Variants in PLBD2 observed in about 807,000 individuals in gnomAD.
The protein encoded by PLBD2 is putative aminopeptidase PLBD2.
In PLBD2, 51 loss-of-function variants were observed where a neutral mutation model predicts 68.3. The observed-to-expected ratio is 0.75, with a 90% CI of 0.60 to 0.94. The LOEUF is 0.94. Ranked by LOEUF, PLBD2 falls within the 40% of genes least tolerant of loss-of-function variation. PLBD2 has a pLI of 0.00. For missense variants in PLBD2, 729 were observed against 792.2 expected, an observed-to-expected ratio of 0.92 and a Z score of 0.96; for synonymous variants, 314 against 339.3, an observed-to-expected ratio of 0.93 and a Z score of 0.82.
Position 113,358,858 on chromosome 12 carries a change from G to T in PLBD2, c.258G>T (p.Trp86Cys). The change falls in exon 1 of 12, where the codon TGG becomes TGT. Residue 86 changes from tryptophan (W) to cysteine (C), a missense_variant. Coordinates refer to ENST00000280800, the MANE Select transcript of PLBD2 (RefSeq NM_173542.4). ...VDGRHPDAVA[W>C]ANLTNAIRET... is the part of the protein sequence containing the mutation. The stretch of plus-strand genomic sequence containing the variant: ...GACGCCACCCTGACGCCGTGGCCTG[G>T]GCCAACCTCACCAACGCCATCCGCG... 6.6e-7 allele frequency: 1 copy of T among 1,525,288 alleles called. No individual in the cohort carries two copies. The highest frequency in any genetic ancestry group is 8.8e-7 in the Non-Finnish European group (1 of 1,138,564). The allele number at this position is 1,525,288 out of a possible 1,614,324, so 94.5% of individuals were successfully genotyped here. A position where few individuals can be genotyped will look rare whatever the true frequency, so the allele number is the denominator to read the frequency against.
At chr12:113,383,692 C>T (rs1478708165) in intron 6 of PLBD2, among the ~76,000 whole-genome samples, 2 of 151,712 alleles carry the variant, frequency 1.3e-5, no homozygotes, top group Non-Finnish European at 2.9e-5. Context: ...ACCTTGGCCT[C>T]CCAAAGTGTG....
intron 5 of PLBD2, among the ~76,000 whole-genome samples, chr12:113,379,418 CTGTT>C (rs1957464842): frequency 6.6e-6 from 1 of 151,592 alleles, no homozygotes; most frequent in Admixed American, 6.6e-5. Flanking sequence ...AGCCATTTAA[CTGTT>C]TGGCCTCTGC....
At chr12:113,369,667 AAAC>A (rs1957371762) in intron 2 of PLBD2, among the ~76,000 whole-genome samples, 1 of 152,160 alleles carries the variant, frequency 6.6e-6, no homozygotes, top group Admixed American at 6.6e-5. Flanking sequence ...TAAACGAAAA[AAAC>A]CAGTCACAAA....
At chr12:113,371,598 C>T (rs907591763) in intron 2 of PLBD2, among the ~76,000 whole-genome samples, 3 of 152,360 alleles carry the variant, frequency 2.0e-5, no homozygotes, top group African/African-American at 4.8e-5. Flanking sequence ...AAGGGGCTCA[C>T]GGCCTGCTGG....
At chr12:113,383,990 C>G in intron 6 of PLBD2, 115 bp from the exon 7 acceptor site, 1 of 863,460 alleles carries the variant, frequency 1.2e-6, no homozygotes, top group South Asian at 2.8e-5. Context: ...GAGTGAGACT[C>G]TATCTCAAAA....
In PLBD2 at chr12:113,374,835, C is replaced by A. The variant is rs1957424465; in HGVS notation, c.687C>A (p.Ala229=). The A allele has an allele frequency of 3.7e-6, 6 of 1,613,672 alleles. No individual in the cohort carries two copies. The highest frequency in any genetic ancestry group is 3.4e-6 in the Non-Finnish European group (4 of 1,180,022). The change falls in exon 5 of 12, where the codon GCC becomes GCA. Residue 229 remains alanine, a synonymous_variant. Coordinates refer to ENST00000280800, the MANE Select transcript of PLBD2 (RefSeq NM_173542.4). ...GGGACCTGGAAGACCTGGAGCTGGCCCTGAACAAGACCAAGATCAAACCTT... is the reference window on the plus strand; with the variant it reads ...GGGACCTGGAAGACCTGGAGCTGGCACTGAACAAGACCAAGATCAAACCTT... ...LSGDLEDLEL[A]LNKTKIKPSL...
chr12:113,367,224 A>G (rs1464865709), intron 1 of PLBD2, among the ~76,000 whole-genome samples: 1 of 152,254 alleles, frequency 6.6e-6, no homozygotes, highest in African/African-American at 2.4e-5. Context: ...GACATGAAAC[A>G]GAGAAATATA....
chr12:113,377,950 C>G (rs1183789402), intron 5 of PLBD2, among the ~76,000 whole-genome samples: 1 of 152,176 alleles, frequency 6.6e-6, no homozygotes, highest in African/African-American at 2.4e-5. Context: ...ACTCCACAAC[C>G]CAAAAGAGAA....
chr12:113,385,287 C>T lies in PLBD2; in HGVS notation c.1286+4C>T, dbSNP rs373228568. 43 of 1,613,524 alleles carry T rather than the reference C, an allele frequency of 2.7e-5. No homozygotes were observed. Among genetic ancestry groups the T allele is most frequent in the Middle Eastern group, 1.6e-4 (1 of 6,082 alleles). Reference sequence around the variant, plus strand: ...ACTGGGCCAGCTACAACATACCGTGCGTGCCTTCTCACTCCGCTCCCCGTC... The same window carrying T: ...ACTGGGCCAGCTACAACATACCGTGTGTGCCTTCTCACTCCGCTCCCCGTC... On this transcript the variant is annotated splice_donor_region_variant and intron_variant, in intron 9 of 11. Transcript: ENST00000280800.
intron 9 of PLBD2, 21 bp downstream of exon 9, chr12:113,385,304 C>A: frequency 6.2e-7 from 1 of 1,609,398 alleles, no homozygotes; most frequent in Non-Finnish European, 8.5e-7. Flanking sequence ...TCTCACTCCG[C>A]TCCCCGTCAC....
rs1310954081 is a variant in PLBD2, at chr12:113,372,074, G to T, written c.385-575G>T. The stretch of plus-strand genomic sequence containing the variant: ...TTTGGATGTGTTTCAGTGAGATGGT[G>T]ATGGAGCAGCAGTCATGAAGCCATC... On this transcript the variant is annotated intron_variant, in intron 2 of 11. Coordinates refer to ENST00000280800, the MANE Select transcript of PLBD2 (RefSeq NM_173542.4). The surrounding 1 kb of genome is among the most constrained non-coding windows in gnomAD (Gnocchi z 4.2). 2.6e-5 allele frequency among the ~76,000 whole-genome samples: 4 copies of T among 152,276 alleles called. No homozygotes were observed. The highest frequency in any genetic ancestry group is 5.9e-5 in the Non-Finnish European group (4 of 68,026).
At chr12:113,383,865 G>T (rs1262425424) in intron 6 of PLBD2, among the ~76,000 whole-genome samples, 4 of 151,778 alleles carry the variant, frequency 2.6e-5, no homozygotes, top group Non-Finnish European at 5.9e-5. Flanking sequence ...CAGGCGTGGG[G>T]GCACGTGCCT....
chr12:113,375,012 G>T lies in PLBD2; in HGVS notation c.859+5G>T, dbSNP rs1457330003. 2 of 1,613,580 alleles carry T rather than the reference G, an allele frequency of 1.2e-6. No homozygotes were observed. Among genetic ancestry groups the T allele is most frequent in the African/African-American group, 1.3e-5 (1 of 74,946 alleles). On this transcript the variant is annotated splice_donor_5th_base_variant and intron_variant, in intron 5 of 11. Coordinates refer to ENST00000280800, the MANE Select transcript of PLBD2 (RefSeq NM_173542.4). Reference sequence around the variant, plus strand: ...AGTTCCGGGAAGGCCCCTGGGGTAGGTGGGTGTGGGTGTGTCTGGGGGATG... The same window carrying T: ...AGTTCCGGGAAGGCCCCTGGGGTAGTTGGGTGTGGGTGTGTCTGGGGGATG...
At chr12:113,378,487 G>A (rs1460980783) in intron 5 of PLBD2, among the ~76,000 whole-genome samples, 1 of 152,062 alleles carries the variant, frequency 6.6e-6, no homozygotes, top group East Asian at 1.9e-4. Context: ...GCCTTGGAGA[G>A]TTGCCAGTAC....
intron 5 of PLBD2, 44 bp downstream of exon 5, chr12:113,375,051 GCA>G (rs1565861246): frequency 1.3e-6 from 2 of 1,578,356 alleles, no homozygotes; most frequent in Non-Finnish European, 8.7e-7. Flanking sequence ...AGGTGGGTGG[GCA>G]CACACGTGGG....
At chr12:113,369,922 C>T (rs1425295962) in intron 2 of PLBD2, among the ~76,000 whole-genome samples, 7 of 150,292 alleles carry the variant, frequency 4.7e-5, no homozygotes, top group Admixed American at 2.0e-4. Context: ...TTTTTTGAGA[C>T]AGAGTCTTGC....
intron 1 of PLBD2, among the ~76,000 whole-genome samples, chr12:113,367,537 G>A (rs1379433322): frequency 6.6e-6 from 1 of 151,952 alleles, no homozygotes; most frequent in East Asian, 1.9e-4. Context: ...ATCACTTGAC[G>A]TCAGGAGTTC....
chr12:113,369,432 T>C (rs1424582951), intron 2 of PLBD2, among the ~76,000 whole-genome samples: 2 of 152,180 alleles, frequency 1.3e-5, no homozygotes, highest in Non-Finnish European at 2.9e-5. Context: ...TGACTTCTTA[T>C]AAAGCTCAAT....
rs151184006 is a variant in PLBD2, at chr12:113,385,241, C to T, written c.1244C>T (p.Ser415Leu). Residue 415 changes from serine to leucine, a missense_variant, in exon 9 of 12, where the codon TCG (serine) becomes TTG (leucine). Ser to Leu is a moderately radical substitution (Grantham distance 145). Transcript: ENST00000280800. ...PGMVVVADKT[S>L]ELYQKTYWAS... ...ATGGTGGTGGTGGCTGACAAGACCT[C>T]GGAGCTCTACCAGAAGACCTACTGG... 1.6e-4 allele frequency: 266 copies of T among 1,614,050 alleles called. No homozygotes were observed. The highest frequency in any genetic ancestry group is 2.1e-4 in the Non-Finnish European group (246 of 1,180,024).
Sources: gnomAD v4.1 joint callset for allele counts (sites outside exome capture counted in the v4.1 genomes callset) on GRCh38, gnomAD v4.1.1 for gene constraint, Gnocchi (gnomAD v3.1) non-coding constraint, MANE v1.5 for transcripts, NCBI Gene and HGNC (gene_info 2026-07-23, HGNC 2026-07-21) for gene names.